CXADR: variants seen among roughly 807,000 people sequenced by gnomAD.
CXADR encodes the protein coxsackievirus and adenovirus receptor.
In CXADR, 20 loss-of-function variants were observed where a neutral mutation model predicts 40.3. The observed-to-expected ratio is 0.50, with a 90% CI of 0.35 to 0.72. CXADR has a LOEUF of 0.72. Ranked by LOEUF, CXADR falls within the 30% of genes least tolerant of loss-of-function variation. CXADR has a pLI of 0.01. For missense variants in CXADR, 332 were observed against 449.1 expected, an observed-to-expected ratio of 0.74 and a Z score of 2.36; for synonymous variants, 150 against 161.3, an observed-to-expected ratio of 0.93 and a Z score of 0.53.
intron 7 of CXADR, among the ~76,000 whole-genome samples, chr21:17,587,152 G>A (rs1275981932): frequency 6.6e-5 from 10 of 152,114 alleles, no homozygotes; most frequent in Non-Finnish European, 2.9e-5. Flanking sequence ...TGGACATGTG[G>A]GTTGGTTCCA....
At chr21:17,543,634 CATG>C (rs1346892917) in intron 1 of CXADR, among the ~76,000 whole-genome samples, 2 of 152,076 alleles carry the variant, frequency 1.3e-5, no homozygotes, top group Non-Finnish European at 2.9e-5. Flanking sequence ...TTATTTGATG[CATG>C]ATGTGTTAAT....
At chr21:17,629,985 C>T in the CXADR span, among the ~76,000 whole-genome samples, 1 of 152,070 alleles carries the variant, frequency 6.6e-6, no homozygotes, top group African/African-American at 2.4e-5. Context: ...CTGAGCATTG[C>T]CAGAATAACC....
chr21:17,564,271 T>A (rs2061170533), intron 6 of CXADR, among the ~76,000 whole-genome samples: 1 of 149,982 alleles, frequency 6.7e-6, no homozygotes, highest in Non-Finnish European at 1.5e-5. Context: ...GATGGGAGGA[T>A]CATTTGAGCC....
chr21:17,530,332 A>C, intron 1 of CXADR: 1 of 440,872 alleles, frequency 2.3e-6, no homozygotes, highest in Non-Finnish European at 4.5e-6. Context: ...ATTTTATATA[A>C]ATAGAATTTT....
In CXADR at chr21:17,518,701, G is replaced by A. The variant is rs2060491729; in HGVS notation, c.43+5529G>A. ...AGCACCAAGCTGACTTAATATTCCA[G>A]GTATCATTTCTGTGATTGGTTTGGC... On this transcript the variant is annotated intron_variant, in intron 1 of 6. Coordinates refer to ENST00000284878, the MANE Select transcript of CXADR (RefSeq NM_001338.5). 2.5e-6 allele frequency: 4 copies of A among 1,608,402 alleles called. No homozygotes were observed. The Admixed American group carries it at 5.0e-5, about 20-fold the overall frequency.
chr21:17,575,948 CATG>C (rs2061319334), intron 7 of CXADR, among the ~76,000 whole-genome samples: 1 of 151,348 alleles, frequency 6.6e-6, no homozygotes, highest in Non-Finnish European at 1.5e-5. Context: ...ATTAGCCAGG[CATG>C]GTGGTGGGTG....
At chr21:17,595,890 A>G (rs149499609), downstream of CXADR, among the ~76,000 whole-genome samples, 537 of 152,164 alleles carry the variant, frequency 3.5e-3, 3 homozygotes, top group Non-Finnish European at 6.0e-3. Context: ...ACTATTTTAC[A>G]TGACTAGCAA....
At chr21:17,547,506 A>G (rs1036583781) in intron 2 of CXADR, among the ~76,000 whole-genome samples, 1 of 152,222 alleles carries the variant, frequency 6.6e-6, no homozygotes, top group African/African-American at 2.4e-5. Context: ...GGCGGGGAAT[A>G]GCAGAGGCCT....
chr21:17,618,538 T>TAAAAGAAAA, the CXADR span, among the ~76,000 whole-genome samples: 1 of 151,860 alleles, frequency 6.6e-6, no homozygotes, highest in Non-Finnish European at 1.5e-5. Flanking sequence ...CTTTTTCTTT[T>TAAAAGAAAA]CTTTTTTTTT....
the CXADR span, chr21:17,608,922 C>G: frequency 6.4e-7 from 1 of 1,561,914 alleles, no homozygotes; most frequent in Non-Finnish European, 8.7e-7. Flanking sequence ...CGGCCTTGAA[C>G]CCACCTCAGG....
chr21:17,535,076 C>T (rs1184113113), intron 1 of CXADR, among the ~76,000 whole-genome samples: 1 of 151,698 alleles, frequency 6.6e-6, no homozygotes, highest in East Asian at 2.0e-4. Flanking sequence ...GCCACCGCGC[C>T]CGGCCTCTAA....
At chr21:17,618,594 A>G in the CXADR span, among the ~76,000 whole-genome samples, 38,105 of 151,854 alleles carry the variant, frequency 0.25, 4,997 homozygotes, top group East Asian at 0.39. Flanking sequence ...CTGGAGTGCA[A>G]TGACACAATC....
downstream of CXADR, chr21:17,593,813 T>C (rs1569167895): frequency 2.8e-6 from 1 of 353,850 alleles, no homozygotes; most frequent in East Asian, 5.6e-5. Flanking sequence ...TACAGTGTTC[T>C]CGTATCCAAC....
chr21:17,565,113 T>A (rs1455571802), intron 6 of CXADR, among the ~76,000 whole-genome samples: 1 of 152,242 alleles, frequency 6.6e-6, no homozygotes. Context: ...GATACTAGAA[T>A]ATGAAACTAT....
downstream of CXADR, chr21:17,570,239 A>G (rs375654263): frequency 1.6e-4 from 149 of 937,234 alleles, no homozygotes; most frequent in African/African-American, 2.3e-3. Context: ...AAAGATTGCG[A>G]CAATCATATT....
chr21:17,605,674 C>A, the CXADR span, among the ~76,000 whole-genome samples: 1 of 152,106 alleles, frequency 6.6e-6, no homozygotes, highest in Non-Finnish European at 1.5e-5. Context: ...AAGCCTCTGT[C>A]CCATCTTTTT....
At chr21:17,581,729 C>T (rs952204025) in intron 7 of CXADR, among the ~76,000 whole-genome samples, 5 of 151,746 alleles carry the variant, frequency 3.3e-5, no homozygotes, top group Non-Finnish European at 5.9e-5. Flanking sequence ...CCTGTAGTCC[C>T]AGCTACTCAG....
At chr21:17,577,226 G>A (rs1477947136) in intron 7 of CXADR, among the ~76,000 whole-genome samples, 2 of 151,976 alleles carry the variant, frequency 1.3e-5, no homozygotes, top group Non-Finnish European at 2.9e-5. Flanking sequence ...TATTTTACCT[G>A]ACATCATCAT....
chr21:17,553,633 T>TC (rs1555871421), intron 3 of CXADR, among the ~76,000 whole-genome samples: 3 of 89,394 alleles, frequency 3.4e-5, no homozygotes, highest in Non-Finnish European at 7.8e-5. Flanking sequence ...TTTTTTTTTT[T>TC]CTTTTTGAGA....
Sources: gnomAD v4.1 joint callset for allele counts (sites outside exome capture counted in the v4.1 genomes callset) on GRCh38, gnomAD v4.1.1 for gene constraint, MANE v1.5 for transcripts, NCBI Gene and HGNC (gene_info 2026-07-23, HGNC 2026-07-21) for gene names.